The following TDRD12 variants were observed in gnomAD, a reference collection of about 807,000 sequenced individuals.
The protein encoded by TDRD12 is putative ATP-dependent RNA helicase TDRD12.
In TDRD12, 158 loss-of-function variants were observed where a neutral mutation model predicts 133.5. The ratio of observed to expected loss-of-function variants is 1.18; its 90% CI spans 1.04 to 1.35. The LOEUF (loss-of-function observed/expected upper bound fraction) is 1.35. Ranked by LOEUF, TDRD12 falls within the 40% of genes most tolerant of loss-of-function variation. The pLI is 0.00. For missense variants in TDRD12, 1,443 were observed against 1,321.3 expected, an observed-to-expected ratio of 1.09 and a Z score of -1.43; for synonymous variants, 460 against 477.9, an observed-to-expected ratio of 0.96 and a Z score of 0.49.
At chr19:32,770,363 T>C (rs1411600018) in intron 8 of TDRD12, among the ~76,000 whole-genome samples, 1 of 152,134 alleles carries the variant, frequency 6.6e-6, no homozygotes, top group African/African-American at 2.4e-5. Context: ...TATTATTTTC[T>C]GCCTCCTCTT....
At chr19:32,826,875 G>T (rs1279403332) in intron 9 of TDRD12, 126 bp downstream of exon 32, 2 of 611,350 alleles carry the variant, frequency 3.3e-6, no homozygotes, top group Non-Finnish European at 4.7e-6. Context: ...TGAGAAATCA[G>T]TTTTCTCTTT....
chr19:32,817,941 T>A, intron 26 of TDRD12, 148 bp from the exon 27 acceptor site: 1 of 648,404 alleles, frequency 1.5e-6, no homozygotes. Flanking sequence ...CTGTAGGGCC[T>A]GGTAGCTTTA....
At chr19:32,798,386 A>G in exon 16 of TDRD12, 1 of 1,535,932 alleles carries the variant, frequency 6.5e-7, no homozygotes, top group Non-Finnish European at 8.7e-7. Context: ...AGGCTCTGCC[A>G]CCTGATCCTG....
Position 32,748,847 on chromosome 19 carries a change from T to C in TDRD12, c.496+316T>C, listed in dbSNP as rs528788797. ...CTGCAAAATAAATTCATGTGGATTT[T>C]ATTGTACCAGCAATTGATGAAAAAC... is the stretch of plus-strand genomic sequence containing the variant. On this transcript the variant is annotated intron_variant, in intron 5 of 27. Coordinates refer to ENST00000444215, the Ensembl canonical transcript of TDRD12. Among the ~76,000 whole-genome samples, 29 of 152,404 alleles carry C rather than the reference T, an allele frequency of 1.9e-4. No homozygotes were observed. In the South Asian group the frequency reaches 6.0e-3, roughly 32 times the overall value.
chr19:32,810,132 G>C (rs772576239), exon 23 of TDRD12: 3 of 1,528,874 alleles, frequency 2.0e-6, no homozygotes, highest in Non-Finnish European at 1.7e-6. Context: ...AAATTACTTT[G>C]GCCGTATAGT....
intron 6 of TDRD12, among the ~76,000 whole-genome samples, chr19:32,750,941 A>G (rs1055609054): frequency 5.9e-5 from 9 of 152,282 alleles, no homozygotes; most frequent in Non-Finnish European, 1.2e-4. Context: ...AGTGATGTGA[A>G]TGGTTTTTTT....
intron 8 of TDRD12, among the ~76,000 whole-genome samples, chr19:32,772,471 G>A (rs780633790): frequency 5.9e-5 from 9 of 152,172 alleles, no homozygotes; most frequent in Non-Finnish European, 1.0e-4. Flanking sequence ...ATGGTCTTCT[G>A]AGGGAAATGT....
chr19:32,734,829 A>G (rs1003506909), intron 2 of TDRD12, among the ~76,000 whole-genome samples: 5 of 152,120 alleles, frequency 3.3e-5, no homozygotes, highest in Admixed American at 3.3e-4. Flanking sequence ...TCTGTGTCAC[A>G]TCTTGGTAAT....
intron 6 of TDRD12, 44 bp downstream of exon 6, chr19:32,749,913 AT>A: frequency 1.5e-6 from 2 of 1,361,870 alleles, no homozygotes; most frequent in Non-Finnish European, 1.0e-6. Context: ...ATCATTTTAA[AT>A]TTTACTTTAA....
At chr19:32,789,776 G>A (rs1017521255) in intron 11 of TDRD12, among the ~76,000 whole-genome samples, 20 of 152,136 alleles carry the variant, frequency 1.3e-4, no homozygotes, top group Non-Finnish European at 2.6e-4. Flanking sequence ...CGAGGCAGGC[G>A]GTTCACCTGA....
intron 22 of TDRD12, among the ~76,000 whole-genome samples, chr19:32,808,040 A>C (rs1966885039): frequency 6.6e-6 from 1 of 152,244 alleles, no homozygotes; most frequent in African/African-American, 2.4e-5. Context: ...CCTGGGCAAC[A>C]TAGTGAGATC....
intron 8 of TDRD12, among the ~76,000 whole-genome samples, chr19:32,762,977 A>G (rs1970193347): frequency 1.3e-5 from 2 of 152,342 alleles, no homozygotes; most frequent in South Asian, 4.1e-4. Context: ...CAGCTGTAAC[A>G]CAATGGTAAC....
At position 32,820,945 on chromosome 19, in the gene TDRD12, C is replaced by A. The variant is rs569482670; in HGVS notation, c.3384-88C>A. 70 of 1,091,336 alleles carry A rather than the reference C, an allele frequency of 6.4e-5. 1 individual carries two copies. In the Admixed American group the frequency reaches 1.6e-3, roughly 25 times the overall value. 67.6% of individuals were successfully genotyped at this position (1,091,336 alleles called of 1,614,324 possible). On this transcript the variant is annotated intron_variant, in intron 27 of 27. Transcript: ENST00000444215. ...GGGTCTGACTCCACGGCCACAGGCA[C>A]TTCACGGTCATTTATTGCCTGCCTT... is the stretch of plus-strand genomic sequence containing the variant.
At chr19:32,738,973 A>G in exon 3 of TDRD12, 1 of 1,550,706 alleles carries the variant, frequency 6.4e-7, no homozygotes, top group Non-Finnish European at 8.7e-7. Flanking sequence ...TGCCAAGAAC[A>G]TTCCAGTCAA....
intron 8 of TDRD12, among the ~76,000 whole-genome samples, chr19:32,768,389 T>A (rs767870263): frequency 9.7e-6 from 1 of 103,002 alleles, no homozygotes; most frequent in South Asian, 2.7e-4. Flanking sequence ...TTTATTCTTT[T>A]TTTTTTTTTT....
At chr19:32,739,020 C>T in intron 3 of TDRD12, 28 bp downstream of exon 3, 1 of 1,548,822 alleles carries the variant, frequency 6.5e-7, no homozygotes, top group Non-Finnish European at 8.7e-7. Flanking sequence ...TCACCTTACG[C>T]TCTTTTCAGA....
chr19:32,741,733 T>G (rs1969433116), intron 3 of TDRD12, among the ~76,000 whole-genome samples: 1 of 152,060 alleles, frequency 6.6e-6, no homozygotes, highest in African/African-American at 2.4e-5. Context: ...GAAAGCCAGT[T>G]CATGTGGAAA....
intron 2 of TDRD12, among the ~76,000 whole-genome samples, chr19:32,733,484 ATG>A (rs1969124069): frequency 6.6e-6 from 1 of 151,506 alleles, no homozygotes; most frequent in Non-Finnish European, 1.5e-5. Flanking sequence ...AAAAAAAAAA[ATG>A]TATATGTGTG....
intron 6 of TDRD12, among the ~76,000 whole-genome samples, 193 bp from the exon 7 acceptor site, chr19:32,755,799 C>T (rs555992485): frequency 6.6e-6 from 1 of 152,328 alleles, no homozygotes; most frequent in African/African-American, 2.4e-5. Context: ...CAGATGCTTG[C>T]TGTTTTTCCT....
Sources: allele counts gnomAD v4.1 joint callset (sites outside exome capture counted in the v4.1 genomes callset), GRCh38; gene constraint gnomAD v4.1.1; transcripts MANE v1.5; gene names NCBI Gene and HGNC (gene_info 2026-07-23, HGNC 2026-07-21).